The following DLC1 variants were observed in gnomAD, a reference collection of about 807,000 sequenced individuals.
The protein encoded by DLC1 is DLC1 Rho GTPase activating protein, also known as rho GTPase-activating protein 7.
A neutral mutation model predicts 140.3 loss-of-function variants in DLC1; 54 were observed. That is an observed-to-expected ratio of 0.38 (90% CI 0.31 to 0.48). The LOEUF (loss-of-function observed/expected upper bound fraction) is 0.48. Among genes scored for constraint, DLC1 ranks in the 20% least tolerant of loss-of-function variants. The probability of loss-of-function intolerance (pLI) is 0.96; values close to 1 mark genes in which losing one functional copy is unlikely to be tolerated. For synonymous variants in DLC1, 986 were observed against 728.1 expected, an observed-to-expected ratio of 1.35 and a Z score of -5.70; for missense variants, 2,536 against 1,907.0, an observed-to-expected ratio of 1.33 and a Z score of -6.14.
intron 5 of DLC1, among the ~76,000 whole-genome samples, chr8:13,206,690 T>C (rs1827678687): frequency 6.6e-6 from 1 of 152,068 alleles, no homozygotes; most frequent in Non-Finnish European, 1.5e-5. Flanking sequence ...TGCTATAGAC[T>C]GACATTGATA....
chr8:13,463,489 T>C (rs1178900834), intron 2 of DLC1, among the ~76,000 whole-genome samples: 2 of 152,200 alleles, frequency 1.3e-5, no homozygotes, highest in African/African-American at 2.4e-5. Context: ...TCCTACGGTG[T>C]TTTTCCCATT....
intron 2 of DLC1, among the ~76,000 whole-genome samples, chr8:13,409,133 A>G (rs1403454864): frequency 6.6e-6 from 1 of 152,124 alleles, no homozygotes; most frequent in Non-Finnish European, 1.5e-5. Flanking sequence ...TCCAACAACT[A>G]TATTTTCCTT....
intron 2 of DLC1, among the ~76,000 whole-genome samples, chr8:13,431,874 C>A (rs1303617668): frequency 6.6e-6 from 1 of 151,972 alleles, no homozygotes; most frequent in African/African-American, 2.4e-5. Flanking sequence ...AGATTCAGGA[C>A]AGATAAAAGG....
intron 2 of DLC1, among the ~76,000 whole-genome samples, chr8:13,405,439 C>G (rs577126349): frequency 6.6e-6 from 1 of 152,298 alleles, no homozygotes; most frequent in Non-Finnish European, 1.5e-5. Context: ...CATTTGGACA[C>G]TTCACTCAAC....
At chr8:13,101,159 C>T (rs946453121) in intron 8 of DLC1, among the ~76,000 whole-genome samples, 3 of 152,198 alleles carry the variant, frequency 2.0e-5, no homozygotes, top group African/African-American at 7.2e-5. Flanking sequence ...GATCCTCCCA[C>T]GTGGGCTTCC....
chr8:13,294,122 C>T (rs967104447), intron 5 of DLC1, among the ~76,000 whole-genome samples: 14 of 152,242 alleles, frequency 9.2e-5, no homozygotes, highest in African/African-American at 1.7e-4. Context: ...CCTCTGTCTC[C>T]GCAAACCACT....
chr8:13,283,108 A>G (rs1293474792), intron 5 of DLC1, among the ~76,000 whole-genome samples: 1 of 152,196 alleles, frequency 6.6e-6, no homozygotes, highest in East Asian at 1.9e-4. Flanking sequence ...TAAAAGTCAG[A>G]CCAAACAGGA....
At chr8:13,278,026 G>C (rs1416724500) in intron 5 of DLC1, among the ~76,000 whole-genome samples, 2 of 152,196 alleles carry the variant, frequency 1.3e-5, no homozygotes, top group Non-Finnish European at 2.9e-5. Context: ...ACTAACATTA[G>C]TACCAATGCT....
At chr8:13,385,231 A>C (rs987096992) in intron 4 of DLC1, among the ~76,000 whole-genome samples, 3 of 152,218 alleles carry the variant, frequency 2.0e-5, no homozygotes, top group Admixed American at 6.5e-5. Context: ...ATACAAAGAT[A>C]GGACCTTCAA....
At chr8:13,192,078 C>G (rs1480149510) in intron 5 of DLC1, among the ~76,000 whole-genome samples, 6 of 151,868 alleles carry the variant, frequency 4.0e-5, no homozygotes, top group Non-Finnish European at 8.8e-5. Context: ...AGTAGACTAG[C>G]TGGGATTACA....
chr8:13,369,913 T>TAAA (rs71207148), intron 4 of DLC1, among the ~76,000 whole-genome samples: 38 of 141,614 alleles, frequency 2.7e-4, no homozygotes, highest in African/African-American at 9.5e-4. Flanking sequence ...ATTTAAAACT[T>TAAA]AAAAAAAAAA....
upstream of DLC1, among the ~76,000 whole-genome samples, chr8:13,515,053 G>A (rs962768962): frequency 1.3e-5 from 2 of 152,196 alleles, no homozygotes; most frequent in South Asian, 4.2e-4. Context: ...ATTAGCTGTA[G>A]AGTCATAAAG....
At chr8:13,518,114 G>GTTTTTT, upstream of DLC1, among the ~76,000 whole-genome samples, 1 of 150,604 alleles carries the variant, frequency 6.6e-6, no homozygotes, top group African/African-American at 2.5e-5. Context: ...TTTTGTTTTT[G>GTTTTTT]TTTTTGTTTT....
chr8:13,348,170 T>C (rs1735311865), intron 4 of DLC1, among the ~76,000 whole-genome samples: 1 of 152,102 alleles, frequency 6.6e-6, no homozygotes, highest in Non-Finnish European at 1.5e-5. Context: ...TTTATCATCT[T>C]GTGTATATGT....
At chr8:13,314,790 C>T (rs1401326147) in intron 4 of DLC1, among the ~76,000 whole-genome samples, 1 of 152,162 alleles carries the variant, frequency 6.6e-6, no homozygotes, top group Non-Finnish European at 1.5e-5. Flanking sequence ...AAACCGTAAT[C>T]TTGTTCACTG....
At chr8:13,596,131 A>G (rs1202136137) in intron 1 of DLC1, among the ~76,000 whole-genome samples, 1 of 152,070 alleles carries the variant, frequency 6.6e-6, no homozygotes, top group Non-Finnish European at 1.5e-5. Flanking sequence ...AGAGAGAGTT[A>G]ACATGCTAAA....
At chr8:13,290,515 A>G (rs916248854) in intron 5 of DLC1, among the ~76,000 whole-genome samples, 2 of 152,160 alleles carry the variant, frequency 1.3e-5, no homozygotes, top group African/African-American at 2.4e-5. Context: ...TTTTGAAAAA[A>G]ATTATTGAGT....
intron 5 of DLC1, among the ~76,000 whole-genome samples, chr8:13,251,263 G>C (rs546141618): frequency 1.3e-5 from 2 of 152,136 alleles, no homozygotes; most frequent in Non-Finnish European, 2.9e-5. Context: ...TCCTAACACA[G>C]TAACATCGGG....
intron 5 of DLC1, among the ~76,000 whole-genome samples, chr8:13,220,886 G>T (rs1828510464): frequency 6.6e-6 from 1 of 152,150 alleles, no homozygotes; most frequent in African/African-American, 2.4e-5. Context: ...TGTGGGCCCT[G>T]CCAGGCAAGC....
Sources: gnomAD v4.1 joint callset for allele counts (sites outside exome capture counted in the v4.1 genomes callset) on GRCh38, gnomAD v4.1.1 for gene constraint, MANE v1.5 for transcripts, NCBI Gene and HGNC (gene_info 2026-07-23, HGNC 2026-07-21) for gene names.